ZPBP: variants seen among roughly 807,000 people sequenced by gnomAD.
The protein encoded by ZPBP is zona pellucida binding protein.
In ZPBP, 26 loss-of-function variants were observed where a neutral mutation model predicts 44.8. The ratio of observed to expected loss-of-function variants is 0.58; its 90% confidence interval spans 0.43 to 0.81. The LOEUF (loss-of-function observed/expected upper bound fraction) is 0.81, where lower values mean the gene tolerates loss of function less well. ZPBP is among the 30% of genes least tolerant of loss of function. ZPBP has a pLI of 0.00. For synonymous variants in ZPBP, 174 were observed against 153.2 expected, an observed-to-expected ratio of 1.14 and a Z score of -1.00; for missense variants, 409 against 434.0, an observed-to-expected ratio of 0.94 and a Z score of 0.51.
intron 2 of ZPBP, among the ~76,000 whole-genome samples, chr7:49,854,313 G>C (rs1790325307): frequency 6.6e-6 from 1 of 152,214 alleles, no homozygotes; most frequent in African/African-American, 2.4e-5. Context: ...GGTTGAACTA[G>C]TTTACAGTCC....
At chr7:49,968,571 A>G (rs929587720) in intron 7 of ZPBP, among the ~76,000 whole-genome samples, 1 of 152,094 alleles carries the variant, frequency 6.6e-6, no homozygotes, top group Non-Finnish European at 1.5e-5. Context: ...TCTCTCATAA[A>G]TTACTGACGT....
intron 7 of ZPBP, among the ~76,000 whole-genome samples, chr7:49,962,174 A>C (rs1795887893): frequency 6.6e-6 from 1 of 151,958 alleles, no homozygotes; most frequent in African/African-American, 2.4e-5. Flanking sequence ...CTAATACTAA[A>C]ATTTTACAAA....
At chr7:49,951,828 ACCAAATGT>A (rs1795357889) in intron 7 of ZPBP, among the ~76,000 whole-genome samples, 1 of 151,784 alleles carries the variant, frequency 6.6e-6, no homozygotes, top group Non-Finnish European at 1.5e-5. Context: ...TATGGAAATA[ACCAAATGT>A]CCATGGATAA....
intron 1 of ZPBP, among the ~76,000 whole-genome samples, chr7:49,929,744 A>T (rs1245807669): frequency 6.6e-6 from 1 of 152,212 alleles, no homozygotes; most frequent in Non-Finnish European, 1.5e-5. Flanking sequence ...ATCATCCGTG[A>T]CTCAACATGC....
downstream of ZPBP, among the ~76,000 whole-genome samples, chr7:49,848,204 T>C (rs1475981334): frequency 2.0e-5 from 3 of 152,214 alleles, no homozygotes; most frequent in African/African-American, 7.2e-5. Context: ...GTATGAGTTT[T>C]GCACTTATGC....
At chr7:50,016,610 C>T (rs1798833886) in intron 6 of ZPBP, among the ~76,000 whole-genome samples, 1 of 152,224 alleles carries the variant, frequency 6.6e-6, no homozygotes, top group African/African-American at 2.4e-5. Context: ...CTTGAGCCCA[C>T]CATCAGGGAA....
At chr7:50,081,035 C>T (rs1802327030) in intron 3 of ZPBP, among the ~76,000 whole-genome samples, 1 of 151,672 alleles carries the variant, frequency 6.6e-6, no homozygotes, top group African/African-American at 2.4e-5. Flanking sequence ...AAACATACAG[C>T]TGAGATCTCT....
chr7:49,877,481 A>AAAAAAAATATACAT, intron 2 of ZPBP, among the ~76,000 whole-genome samples: 1 of 12,722 alleles, frequency 7.9e-5, no homozygotes, highest in African/African-American at 2.8e-4. Flanking sequence ...AAAAAAAAAA[A>AAAAAAAATATACAT]ATATATATAT....
intron 5 of ZPBP, 96 bp downstream of exon 5, chr7:50,030,996 G>A (rs1799580944): frequency 1.9e-6 from 2 of 1,045,882 alleles, no homozygotes; most frequent in Non-Finnish European, 2.9e-6. Context: ...TGGTGTTTAT[G>A]TTTATATCAT....
intron 7 of ZPBP, among the ~76,000 whole-genome samples, chr7:49,977,177 C>T (rs529678912): frequency 8.6e-5 from 13 of 151,242 alleles, no homozygotes; most frequent in Middle Eastern, 3.4e-3. Flanking sequence ...TTCCACACTG[C>T]TAATCCATAG....
At chr7:49,972,913 A>G (rs1040684686) in intron 7 of ZPBP, among the ~76,000 whole-genome samples, 4 of 152,084 alleles carry the variant, frequency 2.6e-5, no homozygotes, top group African/African-American at 7.2e-5. Flanking sequence ...GCCCAGAAAA[A>G]AAAAACCACT....
intron 6 of ZPBP, among the ~76,000 whole-genome samples, chr7:50,000,760 T>A (rs962281934): frequency 2.0e-5 from 3 of 152,316 alleles, no homozygotes; most frequent in Admixed American, 1.3e-4. Flanking sequence ...TAAATTGTTC[T>A]TTATATTTTG....
At chr7:50,026,046 C>T (rs1799310428) in intron 5 of ZPBP, among the ~76,000 whole-genome samples, 1 of 151,698 alleles carries the variant, frequency 6.6e-6, no homozygotes, top group South Asian at 2.1e-4. Context: ...ATATTTTGTG[C>T]AAATAGTCAT....
Position 50,054,389 on chromosome 7 carries a change from A to C in ZPBP, c.487+3600T>G, listed in dbSNP as rs576369891. ...AAATATCTAAAAATTAGTAAGAAAA[A>C]GACAAACTATGCGAAAGGAAGATGA... On this transcript the variant is annotated intron_variant, in intron 4 of 7. Coordinates refer to ENST00000046087, the MANE Select transcript of ZPBP (RefSeq NM_007009.3). 4.6e-5 allele frequency among the ~76,000 whole-genome samples: 7 copies of C among 152,308 alleles called. 1 individual carries two copies. Among genetic ancestry groups the C allele is most frequent in the African/African-American group, 1.7e-4 (7 of 41,580 alleles).
chr7:49,952,681 A>G (rs180694479), intron 7 of ZPBP, among the ~76,000 whole-genome samples: 66 of 152,128 alleles, frequency 4.3e-4, no homozygotes, highest in Admixed American at 2.3e-3. Context: ...ACTAGACATA[A>G]AAGTGAATTT....
At chr7:49,939,775 G>T (rs542660548) in intron 7 of ZPBP, among the ~76,000 whole-genome samples, 1 of 152,266 alleles carries the variant, frequency 6.6e-6, no homozygotes, top group Admixed American at 6.5e-5. Context: ...TAACAGAGAT[G>T]CTTCAAATTT....
chr7:49,992,479 C>G (rs1797615879), intron 6 of ZPBP, among the ~76,000 whole-genome samples: 2 of 151,970 alleles, frequency 1.3e-5, no homozygotes, highest in African/African-American at 4.8e-5. Flanking sequence ...ACAGCTTTAG[C>G]AGCAGATTAG....
intron 2 of ZPBP, among the ~76,000 whole-genome samples, chr7:49,893,345 G>T (rs1271807326): frequency 3.9e-5 from 6 of 152,230 alleles, no homozygotes; most frequent in Non-Finnish European, 5.9e-5. Context: ...CTCCCTGGGA[G>T]TCACTGAGAA....
intron 3 of ZPBP, among the ~76,000 whole-genome samples, chr7:50,073,584 T>C (rs2128844739): frequency 6.6e-6 from 1 of 152,102 alleles, no homozygotes. Flanking sequence ...TTTAACCCAA[T>C]GTAGACTACT....
Sources: gnomAD v4.1 joint callset for allele counts (sites outside exome capture counted in the v4.1 genomes callset) on GRCh38, gnomAD v4.1.1 for gene constraint, MANE v1.5 for transcripts, NCBI Gene and HGNC (gene_info 2026-07-23, HGNC 2026-07-21) for gene names.